The following AP1S3 variants were observed in gnomAD, a reference collection of about 807,000 sequenced individuals.
AP1S3 encodes the protein adaptor related protein complex 1 subunit sigma 3.
A neutral mutation model predicts 20.9 loss-of-function variants in AP1S3; 10 were observed. The ratio of observed to expected loss-of-function variants is 0.48; its 90% CI spans 0.29 to 0.81. The LOEUF is 0.81. Ranked by LOEUF, AP1S3 falls within the 30% of genes least tolerant of loss-of-function variation. The pLI is 0.08. For synonymous variants in AP1S3, 41 were observed against 61.5 expected, an observed-to-expected ratio of 0.67 and a Z score of 1.56; for missense variants, 154 against 183.8, an observed-to-expected ratio of 0.84 and a Z score of 0.94.
At chr2:223,768,884 T>C (rs1174854131) in intron 3 of AP1S3, among the ~76,000 whole-genome samples, 2 of 152,016 alleles carry the variant, frequency 1.3e-5, no homozygotes, top group Non-Finnish European at 2.9e-5. Flanking sequence ...ATATAGGCCT[T>C]GTTTCTAATA....
At chr2:223,810,611 G>A (rs1001246400) in intron 1 of AP1S3, among the ~76,000 whole-genome samples, 4 of 152,112 alleles carry the variant, frequency 2.6e-5, no homozygotes, top group African/African-American at 9.7e-5. Context: ...GCCCAGCCTT[G>A]TAATCTAATT....
At chr2:223,774,242 G>A (rs1184209158) in intron 3 of AP1S3, among the ~76,000 whole-genome samples, 4 of 152,104 alleles carry the variant, frequency 2.6e-5, no homozygotes, top group African/African-American at 4.8e-5. Context: ...GCGGGGGCCC[G>A]TAAACCTAGC....
chr2:223,816,709 G>A (rs1691851620), intron 1 of AP1S3, among the ~76,000 whole-genome samples: 1 of 152,166 alleles, frequency 6.6e-6, no homozygotes, highest in Admixed American at 6.5e-5. Flanking sequence ...CAGTGTCAGT[G>A]GGACTGCTGT....
chr2:223,806,423 A>G (rs1691585045), intron 1 of AP1S3, among the ~76,000 whole-genome samples: 1 of 151,570 alleles, frequency 6.6e-6, no homozygotes. Flanking sequence ...AGGTGGGACT[A>G]CAGGCGCTCG....
intron 3 of AP1S3, chr2:223,770,194 T>C: frequency 6.4e-7 from 1 of 1,550,734 alleles, no homozygotes; most frequent in Non-Finnish European, 8.7e-7. Context: ...AGAAAGCAGT[T>C]ACCAGAGGTC....
At chr2:223,780,276 AATATATATATATATATAT>A (rs138804582) in intron 1 of AP1S3, among the ~76,000 whole-genome samples, 5 of 24,384 alleles carry the variant, frequency 2.1e-4, no homozygotes, top group African/African-American at 3.1e-4. Context: ...ATGCCTGGCT[AATATATATATATATATAT>A]ATATATATAT....
In AP1S3 at chr2:223,812,205, T is replaced by TTTTG. The variant is rs368221060; in HGVS notation, c.3+25239_3+25242dup. On this transcript the variant is annotated intron_variant, in intron 1 of 4. Coordinates refer to ENST00000396654, the MANE Select transcript of AP1S3 (RefSeq NM_001039569.2). The stretch of plus-strand genomic sequence containing the variant: ...TTTATGCATGCAGGCATGTAAGCCT[T>TTTTG]TTTGTTTGTTTGTTTTTTGTTTTTG... 2.6e-5 allele frequency among the ~76,000 whole-genome samples: 4 copies of TTTTG among 152,038 alleles called. No homozygotes were observed. In the South Asian group the frequency reaches 6.2e-4, roughly 24 times the overall value.
At chr2:223,790,295 G>T (rs1377593941) in intron 1 of AP1S3, among the ~76,000 whole-genome samples, 4 of 149,000 alleles carry the variant, frequency 2.7e-5, no homozygotes, top group Non-Finnish European at 5.9e-5. Context: ...GCAGTGGCAT[G>T]ATCTCAGCTC....
intron 1 of AP1S3, among the ~76,000 whole-genome samples, chr2:223,830,288 G>A (rs766368698): frequency 6.6e-6 from 1 of 151,716 alleles, no homozygotes; most frequent in Non-Finnish European, 1.5e-5. Flanking sequence ...AGACCAGCCT[G>A]GCCAACATAG....
At chr2:223,772,233 G>A (rs926518439) in intron 3 of AP1S3, among the ~76,000 whole-genome samples, 1 of 152,168 alleles carries the variant, frequency 6.6e-6, no homozygotes, top group Non-Finnish European at 1.5e-5. Flanking sequence ...GCCCTATAAG[G>A]TTAGCAAAGT....
chr2:223,828,903 C>A (rs1269178932), intron 1 of AP1S3, among the ~76,000 whole-genome samples: 1 of 152,148 alleles, frequency 6.6e-6, no homozygotes, highest in East Asian at 1.9e-4. Context: ...AGTGCAGTGG[C>A]GCGATCTCGG....
At chr2:223,817,955 T>C (rs1268018633) in intron 1 of AP1S3, among the ~76,000 whole-genome samples, 2 of 152,108 alleles carry the variant, frequency 1.3e-5, no homozygotes, top group Non-Finnish European at 2.9e-5. Context: ...GCAGGTGTGA[T>C]GCTGGGCACT....
In AP1S3 at chr2:223,760,066, T is replaced by C. The variant is rs573662623; in HGVS notation, c.430-1316A>G. ...AACAGACTCACAATTACAGGTAGAG[T>C]TCAAAGTTAACAGTGATGTTCCAGG... On this transcript the variant is annotated intron_variant, in intron 4 of 4. Coordinates refer to ENST00000396654, the MANE Select transcript of AP1S3 (RefSeq NM_001039569.2). Among the ~76,000 whole-genome samples, 3 of 151,976 alleles carry C rather than the reference T, an allele frequency of 2.0e-5. No homozygotes were observed. In the East Asian group the frequency reaches 5.8e-4, roughly 29 times the overall value.
chr2:223,834,102 T>C (rs1441740215), intron 1 of AP1S3, among the ~76,000 whole-genome samples: 1 of 152,124 alleles, frequency 6.6e-6, no homozygotes, highest in Non-Finnish European at 1.5e-5. Context: ...GAGACAGTGT[T>C]TCTCCATGTT....
chr2:223,780,345 A>AGTGTGTGT (rs1424927955), intron 1 of AP1S3, among the ~76,000 whole-genome samples: 4 of 105,806 alleles, frequency 3.8e-5, no homozygotes, highest in Non-Finnish European at 5.6e-5. Context: ...AGAGAGAGAG[A>AGTGTGTGT]GAGAGAGAGA....
At chr2:223,825,969 T>C (rs1326956607) in intron 1 of AP1S3, among the ~76,000 whole-genome samples, 1 of 152,182 alleles carries the variant, frequency 6.6e-6, no homozygotes, top group Non-Finnish European at 1.5e-5. Context: ...TGAGCCGAGA[T>C]TGTGCCACTG....
intron 1 of AP1S3, among the ~76,000 whole-genome samples, chr2:223,830,143 A>G (rs1412955656): frequency 1.3e-5 from 2 of 152,026 alleles, no homozygotes; most frequent in Non-Finnish European, 1.5e-5. Flanking sequence ...GTATGTATGA[A>G]TTTTGCATCC....
intron 1 of AP1S3, among the ~76,000 whole-genome samples, chr2:223,782,765 T>C (rs538654162): frequency 1.3e-5 from 2 of 152,332 alleles, no homozygotes; most frequent in East Asian, 1.9e-4. Flanking sequence ...AATAATTGCA[T>C]TGCATGAGGC....
At chr2:223,806,290 T>C (rs902595510) in intron 1 of AP1S3, among the ~76,000 whole-genome samples, 3 of 146,764 alleles carry the variant, frequency 2.0e-5, no homozygotes, top group African/African-American at 7.6e-5. Flanking sequence ...TTTTTTTTTT[T>C]TTTTTTTTTT....
Sources: allele counts gnomAD v4.1 joint callset (sites outside exome capture counted in the v4.1 genomes callset), GRCh38; gene constraint gnomAD v4.1.1; transcripts MANE v1.5; gene names NCBI Gene and HGNC (gene_info 2026-07-23, HGNC 2026-07-21).